Variants in SLC22A3 observed in about 807,000 individuals in gnomAD.
SLC22A3 encodes the protein solute carrier family 22 member 3, also known as EMT organic cation transporter 3.
Under a neutral mutation model 59.1 loss-of-function variants are expected in SLC22A3, and 51 were observed. That is an observed-to-expected ratio of 0.86 (90% CI 0.69 to 1.09). SLC22A3 has a LOEUF of 1.09. Among genes scored for constraint, SLC22A3 ranks in the 50% least tolerant of loss-of-function variants. The probability of loss-of-function intolerance (pLI) is 0.00; values close to 1 mark genes in which losing one functional copy is unlikely to be tolerated. For synonymous variants in SLC22A3, 325 were observed against 292.0 expected, an observed-to-expected ratio of 1.11 and a Z score of -1.15; for missense variants, 711 against 726.3, an observed-to-expected ratio of 0.98 and a Z score of 0.24.
At position 160,444,660 on chromosome 6, in the gene SLC22A3, C is replaced by T. The variant is rs964268048; in HGVS notation, c.1510+918C>T. Among the ~76,000 whole-genome samples, 3 of 152,226 alleles carry T rather than the reference C, an allele frequency of 2.0e-5. No individual in the cohort carries two copies. The East Asian group carries it at 5.8e-4, about 29-fold the overall frequency. ...CTCCAACGGTCCTGCCTGGGTTTCACACACTTCCCCTGTGCCCTCTTCTGC... is the reference window on the plus strand; with the variant it reads ...CTCCAACGGTCCTGCCTGGGTTTCATACACTTCCCCTGTGCCCTCTTCTGC... On this transcript the variant is annotated intron_variant, in intron 9 of 10. Transcript: ENST00000275300.
At chr6:160,393,284 A>T (rs571932991) in intron 1 of SLC22A3, among the ~76,000 whole-genome samples, 11 of 150,812 alleles carry the variant, frequency 7.3e-5, no homozygotes, top group African/African-American at 1.2e-4. Context: ...TATTTATTTT[A>T]TTTATTTATT....
At chr6:160,383,183 G>GGCA (rs1472027356) in intron 1 of SLC22A3, among the ~76,000 whole-genome samples, 2 of 152,182 alleles carry the variant, frequency 1.3e-5, no homozygotes, top group African/African-American at 4.8e-5. Context: ...ACTTTCCTTA[G>GGCA]GCATTATAGA....
At chr6:160,379,331 A>G (rs1297136958) in intron 1 of SLC22A3, among the ~76,000 whole-genome samples, 2 of 152,218 alleles carry the variant, frequency 1.3e-5, no homozygotes, top group African/African-American at 4.8e-5. Flanking sequence ...ATGGGGTCTT[A>G]GAATGCACAA....
intron 1 of SLC22A3, among the ~76,000 whole-genome samples, chr6:160,368,093 C>T (rs1469938428): frequency 1.3e-5 from 2 of 152,120 alleles, no homozygotes; most frequent in Non-Finnish European, 2.9e-5. Flanking sequence ...TCCTGACGTC[C>T]ACTCTGGCTC....
At position 160,410,716 on chromosome 6, in the gene SLC22A3, C is replaced by T. The variant is rs368623197; in HGVS notation, c.858-13C>T. Reference sequence around the variant, plus strand: ...TCCTAGACATAACTCACAACAGCCTCCTTCTTTGCCAGGGTGGTCCCTGAG... The same window carrying T: ...TCCTAGACATAACTCACAACAGCCTTCTTCTTTGCCAGGGTGGTCCCTGAG... On this transcript the variant is annotated splice_polypyrimidine_tract_variant and intron_variant, in intron 4 of 10. Transcript: ENST00000275300. 184 of 1,557,212 alleles carry T rather than the reference C, an allele frequency of 1.2e-4. No homozygotes were observed. The highest frequency in any genetic ancestry group is 1.5e-4 in the Non-Finnish European group (166 of 1,128,450).
At chr6:160,399,999 T>C (rs1196178033) in intron 2 of SLC22A3, among the ~76,000 whole-genome samples, 1 of 151,328 alleles carries the variant, frequency 6.6e-6, no homozygotes, top group Non-Finnish European at 1.5e-5. Flanking sequence ...CTGTAATTGA[T>C]GAATTCCTGG....
At chr6:160,387,363 C>T (rs394352) in intron 1 of SLC22A3, among the ~76,000 whole-genome samples, 37,993 of 152,126 alleles carry the variant, frequency 0.25, 5,086 homozygotes, top group South Asian at 0.37. Context: ...GTCTGACCCC[C>T]GGCTTTTCTC....
intron 5 of SLC22A3, among the ~76,000 whole-genome samples, chr6:160,429,078 C>A (rs1182722859): frequency 6.6e-6 from 1 of 152,188 alleles, no homozygotes; most frequent in Non-Finnish European, 1.5e-5. Context: ...TTCCTCCCAG[C>A]CCCACCAGGC....
intron 1 of SLC22A3, among the ~76,000 whole-genome samples, chr6:160,352,389 T>A (rs992827873): frequency 6.6e-6 from 1 of 152,174 alleles, no homozygotes. Flanking sequence ...TTGGGCAGAA[T>A]AAAATACAAT....
At chr6:160,422,353 G>A (rs1395848833) in intron 5 of SLC22A3, among the ~76,000 whole-genome samples, 2 of 152,258 alleles carry the variant, frequency 1.3e-5, no homozygotes, top group African/African-American at 2.4e-5. Context: ...TGATAAAAAA[G>A]GTATCAGGTG....
intron 5 of SLC22A3, among the ~76,000 whole-genome samples, chr6:160,424,089 G>C (rs1210750558): frequency 6.6e-6 from 1 of 152,094 alleles, no homozygotes; most frequent in African/African-American, 2.4e-5. Flanking sequence ...AGGGAATCCT[G>C]GATGTTCTTG....
At chr6:160,413,998 G>A (rs2114867337) in intron 5 of SLC22A3, among the ~76,000 whole-genome samples, 1 of 152,250 alleles carries the variant, frequency 6.6e-6, no homozygotes, top group East Asian at 1.9e-4. Context: ...TTCTCCTGAA[G>A]AATTTCCACA....
At chr6:160,395,380 T>C (rs1786431058) in intron 1 of SLC22A3, among the ~76,000 whole-genome samples, 1 of 152,256 alleles carries the variant, frequency 6.6e-6, no homozygotes, top group Non-Finnish European at 1.5e-5. Flanking sequence ...TTGCCTCTGC[T>C]AGCTAACTCA....
At chr6:160,445,542 C>A (rs1238084183) in intron 9 of SLC22A3, among the ~76,000 whole-genome samples, 1 of 152,142 alleles carries the variant, frequency 6.6e-6, no homozygotes, top group Non-Finnish European at 1.5e-5. Context: ...CCAGCATCGT[C>A]CCTCTGATGG....
chr6:160,417,138 AC>A (rs1787529799), intron 5 of SLC22A3, among the ~76,000 whole-genome samples: 1 of 152,138 alleles, frequency 6.6e-6, no homozygotes, highest in African/African-American at 2.4e-5. Context: ...ATACTTCCCC[AC>A]CCAGTGTCAG....
At chr6:160,421,821 G>T (rs1010379858) in intron 5 of SLC22A3, among the ~76,000 whole-genome samples, 1 of 152,216 alleles carries the variant, frequency 6.6e-6, no homozygotes, top group East Asian at 1.9e-4. Context: ...TACCCTCTCT[G>T]GAATCCTTCC....
At chr6:160,377,645 G>A (rs905514562) in intron 1 of SLC22A3, among the ~76,000 whole-genome samples, 1 of 152,074 alleles carries the variant, frequency 6.6e-6, no homozygotes, top group South Asian at 2.1e-4. Flanking sequence ...GAGTTTTCTC[G>A]AGTCTCTTTT....
chr6:160,433,688 CAG>C (rs557973998), intron 5 of SLC22A3, among the ~76,000 whole-genome samples: 367 of 152,178 alleles, frequency 2.4e-3, no homozygotes, highest in Admixed American at 5.8e-3. Flanking sequence ...GCCTAGGTGA[CAG>C]AGAGAGACCC....
rs773968858 is a variant in SLC22A3, at chr6:160,447,729, A to G, written c.1521A>G (p.Ala507=). The change falls in exon 10 of 11, where the codon GCA becomes GCG. Residue 507 remains alanine (A), a synonymous_variant. Coordinates refer to ENST00000275300, the MANE Select transcript of SLC22A3 (RefSeq NM_021977.4). ...TCCCCTATTCCATAGGTATCCTGGC[A>G]TCCATCTGTGGTGGCCTTGTGATGC... is the stretch of plus-strand genomic sequence containing the variant. ...ELPLIIFGIL[A]SICGGLVMLL... The G allele has an allele frequency of 6.2e-6, 10 of 1,614,030 alleles. No homozygotes were observed. The highest frequency in any genetic ancestry group is 8.5e-6 in the Non-Finnish European group (10 of 1,179,918).
Sources: allele counts gnomAD v4.1 joint callset (sites outside exome capture counted in the v4.1 genomes callset), GRCh38; gene constraint gnomAD v4.1.1; transcripts MANE v1.5; gene names NCBI Gene and HGNC (gene_info 2026-07-23, HGNC 2026-07-21).